ARID2: variants seen among roughly 807,000 people sequenced by gnomAD.
ARID2 encodes AT-rich interaction domain 2.
ARID2 carries 32 observed loss-of-function variants against 184.6 expected under a neutral mutation model. The observed-to-expected ratio is 0.17, with a 90% CI of 0.13 to 0.23. The LOEUF (loss-of-function observed/expected upper bound fraction) is 0.23. ARID2 is among the 10% of genes least tolerant of loss of function. The pLI is 1.00. For synonymous variants in ARID2, 836 were observed against 772.6 expected, an observed-to-expected ratio of 1.08 and a Z score of -1.36; for missense variants, 1,696 against 2,197.6, an observed-to-expected ratio of 0.77 and a Z score of 4.56.
chr12:45,840,460 C>T (rs982351665), intron 11 of ARID2: 2 of 152,164 alleles, frequency 1.3e-5, no homozygotes, highest in African/African-American at 4.8e-5. Flanking sequence ...TCTTCTGAAA[C>T]TTACTCTGAA....
At chr12:45,861,740 A>G (rs1445272232) in intron 16 of ARID2, among the ~76,000 whole-genome samples, 2 of 151,236 alleles carry the variant, frequency 1.3e-5, no homozygotes, top group African/African-American at 4.9e-5. Context: ...ATGTGCCACC[A>G]TCCCTGGCTA....
chr12:45,861,072 C>A, intron 16 of ARID2, 123 bp downstream of exon 16: 1 of 805,908 alleles, frequency 1.2e-6, no homozygotes. Context: ...TTTAGCGAAA[C>A]TACAAGAGTT....
chr12:45,745,418 A>G (rs1358615345), intron 3 of ARID2, among the ~76,000 whole-genome samples: 1 of 152,194 alleles, frequency 6.6e-6, no homozygotes, highest in East Asian at 1.9e-4. Flanking sequence ...ATTACTACTG[A>G]ATGATGGAAG....
At position 45,860,834 on chromosome 12, in the gene ARID2, G is replaced by C; in HGVS notation, c.4807G>C (p.Val1603Leu). 6.2e-7 allele frequency: 1 copy of C among 1,606,110 alleles called. No individual in the cohort carries two copies. The highest frequency in any genetic ancestry group is 8.5e-7 in the Non-Finnish European group (1 of 1,176,120). ...TPMPPSPAVQ[V>L]QGQPNSSQPS... is the part of the protein sequence containing the mutation. ...TATGCCACCTTCACCAGCTGTACAA[G>C]TGCAGGGCCAGCCTAACAGTTCTCA... Residue 1603 changes from valine to leucine, a missense_variant, in exon 16 of 21, where the codon GTG becomes CTG. Physicochemically the swap from Val to Leu is conservative, Grantham distance 32 (BLOSUM62 1). Around this residue, in one of 11 missense-constraint regions of ARID2, gnomAD observed 111 missense variants for 154.0 expected, o/e 0.72. Coordinates refer to ENST00000334344, the MANE Select transcript of ARID2 (RefSeq NM_152641.4).
chr12:45,857,985 C>G (rs1943679966), intron 15 of ARID2, among the ~76,000 whole-genome samples: 1 of 152,208 alleles, frequency 6.6e-6, no homozygotes, highest in African/African-American at 2.4e-5. Context: ...ATCTCAAACT[C>G]CTGGGCTCAA....
chr12:45,759,547 G>A (rs777042480), intron 3 of ARID2, among the ~76,000 whole-genome samples: 1 of 152,048 alleles, frequency 6.6e-6, no homozygotes, highest in Non-Finnish European at 1.5e-5. Flanking sequence ...AATTGTAAAG[G>A]TAATTGGTGT....
Position 45,907,471 on chromosome 12 carries a change from CTG to C in ARID2, c.*2395_*2396del, listed in dbSNP as rs1944543721. The C allele has an allele frequency of 1.7e-5, 4 of 233,298 alleles. 1 individual carries two copies. Among genetic ancestry groups the C allele is most frequent in the South Asian group, 1.8e-4 (1 of 5,522 alleles). The allele number at this position is 233,298 out of a possible 1,614,324, so 14.5% of individuals were successfully genotyped here. A position where few individuals can be genotyped will look rare whatever the true frequency, so the allele number is the denominator to read the frequency against. On this transcript the variant is annotated 3_prime_UTR_variant, in exon 21 of 21. Coordinates refer to ENST00000334344, the MANE Select transcript of ARID2 (RefSeq NM_152641.4). Reference sequence around the variant, plus strand: ...TTTCTGCTATAATATGTAAATATGACTGTAGCCTTTTAAGCTTCAGTCTCAGC... The same window carrying C: ...TTTCTGCTATAATATGTAAATATGACTAGCCTTTTAAGCTTCAGTCTCAGC...
At chr12:45,877,772 A>G (rs1944034285) in intron 16 of ARID2, among the ~76,000 whole-genome samples, 1 of 152,184 alleles carries the variant, frequency 6.6e-6, no homozygotes, top group South Asian at 2.1e-4. Flanking sequence ...TGTTAGATCA[A>G]TCAAAAGTAA....
chr12:45,811,361 T>TA, intron 3 of ARID2, 57 bp from the exon 4 acceptor site: 2 of 1,526,040 alleles, frequency 1.3e-6, no homozygotes, highest in Non-Finnish European at 1.8e-6. Context: ...TGGTGAGAGT[T>TA]AAAAATAAGA....
At chr12:45,730,487 C>T (rs1274130115) in intron 2 of ARID2, among the ~76,000 whole-genome samples, 1 of 151,300 alleles carries the variant, frequency 6.6e-6, no homozygotes, top group African/African-American at 2.4e-5. Context: ...CGCCGCCCGC[C>T]CGCTCGCTCG....
At chr12:45,858,950 C>A (rs903577874) in intron 15 of ARID2, among the ~76,000 whole-genome samples, 2 of 152,176 alleles carry the variant, frequency 1.3e-5, no homozygotes, top group Non-Finnish European at 2.9e-5. Context: ...CTCAAAAGTT[C>A]TTGACTTCCC....
At chr12:45,765,098 C>G (rs1364458220) in intron 3 of ARID2, among the ~76,000 whole-genome samples, 1 of 152,142 alleles carries the variant, frequency 6.6e-6, no homozygotes, top group Non-Finnish European at 1.5e-5. Context: ...CCCTAAATGA[C>G]TAATGAATGT....
At chr12:45,800,136 C>G (rs1329213065) in intron 3 of ARID2, among the ~76,000 whole-genome samples, 2 of 152,122 alleles carry the variant, frequency 1.3e-5, no homozygotes, top group East Asian at 3.9e-4. Context: ...AGGTGTGAGC[C>G]TCTGTGCCCA....
At position 45,737,357 on chromosome 12, in the gene ARID2, C is replaced by T. The variant is rs140147456; in HGVS notation, c.284+6043C>T. On this transcript the variant is annotated intron_variant, in intron 3 of 20. Transcript: ENST00000334344. ...TTGGCTGCTGCCTTCCCTCTCCCCCCGCCCTTTTTTTCCCCATTATACCAT... is the reference window on the plus strand; with the variant it reads ...TTGGCTGCTGCCTTCCCTCTCCCCCTGCCCTTTTTTTCCCCATTATACCAT... Among the ~76,000 whole-genome samples, 157 of 152,002 alleles carry T rather than the reference C, an allele frequency of 1.0e-3. 1 individual carries two copies. The highest frequency in any genetic ancestry group is 8.3e-3 in the East Asian group (43 of 5,178).
At chr12:45,884,257 A>G (rs1399848693) in intron 16 of ARID2, among the ~76,000 whole-genome samples, 1 of 152,130 alleles carries the variant, frequency 6.6e-6, no homozygotes, top group Non-Finnish European at 1.5e-5. Context: ...TTAGCTGGGC[A>G]TGGTGGCAGG....
chr12:45,790,397 G>A (rs1942273426), intron 3 of ARID2, among the ~76,000 whole-genome samples: 1 of 151,924 alleles, frequency 6.6e-6, no homozygotes, highest in Non-Finnish European at 1.5e-5. Context: ...CTTGGAATTT[G>A]GATTTGAACT....
intron 3 of ARID2, among the ~76,000 whole-genome samples, chr12:45,797,207 C>G (rs761366670): frequency 1.3e-5 from 2 of 151,804 alleles, no homozygotes; most frequent in Non-Finnish European, 2.9e-5. Flanking sequence ...TATACTTTGC[C>G]TAAGTTTTTA....
In ARID2 at chr12:45,733,462, C is replaced by T. The variant is rs115965943; in HGVS notation, c.284+2148C>T. Among the ~76,000 whole-genome samples the T allele has an allele frequency of 5.1e-3, 783 of 152,252 alleles. 10 individuals carry two copies. Among genetic ancestry groups the T allele is most frequent in the African/African-American group, 0.018 (746 of 41,548 alleles). On this transcript the variant is annotated intron_variant, in intron 3 of 20. Transcript: ENST00000334344. The stretch of plus-strand genomic sequence containing the variant: ...GACTTGATAAGTTACCTCTTTGCTA[C>T]GTCAGATTGAATATCATCATTACTG...
rs556765368 is a variant in ARID2, at chr12:45,832,480, G to A, written c.706-4109G>A. Among the ~76,000 whole-genome samples the A allele has an allele frequency of 8.6e-5, 13 of 150,760 alleles. No homozygotes were observed. The South Asian group carries it at 2.7e-3, about 32-fold the overall frequency. On this transcript the variant is annotated intron_variant, in intron 6 of 20. Coordinates refer to ENST00000334344, the MANE Select transcript of ARID2 (RefSeq NM_152641.4). ...TTTTCTTTCCCCTCTTGTTTTTTTT[G>A]TTTTGTTTGTTTTAGAGACAGGGTC...
Sources: allele counts gnomAD v4.1 joint callset (sites outside exome capture counted in the v4.1 genomes callset), GRCh38; gene constraint gnomAD v4.1.1; regional missense constraint gnomAD v4.1.1; transcripts MANE v1.5; gene names NCBI Gene and HGNC (gene_info 2026-07-23, HGNC 2026-07-21).